Variants in RBFOX3 observed in about 807,000 individuals in gnomAD.
The protein encoded by RBFOX3 is RNA binding fox-1 homolog 3, also known as RNA binding protein fox-1 homolog 3.
In RBFOX3, 17 loss-of-function variants were observed where a neutral mutation model predicts 48.7. The observed-to-expected ratio is 0.35, with a 90% CI of 0.24 to 0.52. The LOEUF is 0.52. Ranked by LOEUF, RBFOX3 falls within the 20% of genes least tolerant of loss-of-function variation. The pLI is 0.94. For synonymous variants in RBFOX3, 212 were observed against 209.5 expected, an observed-to-expected ratio of 1.01 and a Z score of -0.10; for missense variants, 382 against 497.5, an observed-to-expected ratio of 0.77 and a Z score of 2.21.
intron 2 of RBFOX3, among the ~76,000 whole-genome samples, chr17:79,406,052 T>C (rs1331618212): frequency 6.6e-6 from 1 of 152,242 alleles, no homozygotes; most frequent in Non-Finnish European, 1.5e-5. Context: ...CTGTGTAATA[T>C]TCCTAATGCC....
intron 2 of RBFOX3, among the ~76,000 whole-genome samples, chr17:79,466,432 G>A (rs1364731282): frequency 2.0e-5 from 3 of 152,140 alleles, no homozygotes; most frequent in Non-Finnish European, 4.4e-5. Flanking sequence ...GGAGTCGAGG[G>A]CAGAACCTCC....
intron 2 of RBFOX3, among the ~76,000 whole-genome samples, chr17:79,379,214 C>T (rs552783075): frequency 3.9e-5 from 6 of 152,266 alleles, no homozygotes; most frequent in Non-Finnish European, 4.4e-5. Context: ...CTCAGCTCCA[C>T]GCAAATAAGG....
chr17:79,159,309 C>T (rs979669758), intron 4 of RBFOX3, among the ~76,000 whole-genome samples: 6 of 152,112 alleles, frequency 3.9e-5, no homozygotes, highest in Admixed American at 6.5e-5. Flanking sequence ...CTGGCCCGGG[C>T]GGTTCCTCCT....
intron 1 of RBFOX3, among the ~76,000 whole-genome samples, chr17:79,549,106 A>T (rs531383245): frequency 3.9e-5 from 6 of 152,324 alleles, no homozygotes; most frequent in African/African-American, 1.4e-4. Context: ...AGCAAACACC[A>T]GTTATAACCA....
chr17:79,455,836 C>T (rs1173739320), intron 2 of RBFOX3, among the ~76,000 whole-genome samples: 2 of 152,186 alleles, frequency 1.3e-5, no homozygotes, highest in African/African-American at 2.4e-5. Context: ...ACACCTGCAG[C>T]GGCACCTCCA....
intron 2 of RBFOX3, among the ~76,000 whole-genome samples, chr17:79,460,436 G>A (rs1176116713): frequency 6.6e-6 from 1 of 152,058 alleles, no homozygotes; most frequent in Non-Finnish European, 1.5e-5. Context: ...AGCTCATCAG[G>A]TCTAGCTCTC....
intron 3 of RBFOX3, among the ~76,000 whole-genome samples, chr17:79,292,353 C>T (rs2073435418): frequency 6.6e-6 from 1 of 151,990 alleles, no homozygotes; most frequent in Non-Finnish European, 1.5e-5. Context: ...TCTATTGTGC[C>T]TTCCTTGTCT....
At chr17:79,112,444 G>T (rs982043284) in intron 5 of RBFOX3, among the ~76,000 whole-genome samples, 1 of 152,186 alleles carries the variant, frequency 6.6e-6, no homozygotes, top group African/African-American at 2.4e-5. Context: ...GCAGGAAGAG[G>T]CCTCGTGGTT....
chr17:79,429,804 G>C (rs1275117691), intron 2 of RBFOX3, among the ~76,000 whole-genome samples: 2 of 152,184 alleles, frequency 1.3e-5, no homozygotes, highest in Non-Finnish European at 2.9e-5. Flanking sequence ...GGGCTCCAGA[G>C]CCCAACATCC....
chr17:79,170,722 A>C (rs2049104963), intron 4 of RBFOX3, among the ~76,000 whole-genome samples: 1 of 151,200 alleles, frequency 6.6e-6, no homozygotes, highest in Non-Finnish European at 1.5e-5. Flanking sequence ...CTCCTTTTCT[A>C]TCCCAGATGA....
chr17:79,459,434 G>A (rs571263263), intron 2 of RBFOX3, among the ~76,000 whole-genome samples: 3 of 152,212 alleles, frequency 2.0e-5, no homozygotes, highest in African/African-American at 7.2e-5. Context: ...GTGGAACCCA[G>A]TGTGACCAGA....
chr17:79,348,480 C>A (rs1263909793), intron 2 of RBFOX3, among the ~76,000 whole-genome samples: 2 of 151,500 alleles, frequency 1.3e-5, no homozygotes, highest in Non-Finnish European at 2.9e-5. Context: ...TCATTGGTTT[C>A]ACTCTATTCT....
the RBFOX3 span, among the ~76,000 whole-genome samples, chr17:79,618,136 A>G: frequency 6.6e-6 from 1 of 152,186 alleles, no homozygotes; most frequent in Non-Finnish European, 1.5e-5. Flanking sequence ...CCACACCACA[A>G]GGATTTACTG....
intron 3 of RBFOX3, among the ~76,000 whole-genome samples, chr17:79,307,244 C>T (rs535537490): frequency 2.0e-5 from 3 of 152,314 alleles, no homozygotes; most frequent in South Asian, 2.1e-4. Flanking sequence ...CACCTGTGCC[C>T]GGGACGAGCT....
Position 79,390,116 on chromosome 17 carries a change from C to G in RBFOX3, c.-174-82292G>C, listed in dbSNP as rs565517320. Among the ~76,000 whole-genome samples the G allele has an allele frequency of 6.6e-6, 1 of 152,304 alleles. No homozygotes were observed. Among genetic ancestry groups the G allele is most frequent in the East Asian group, 1.9e-4 (1 of 5,170 alleles). On this transcript the variant is annotated intron_variant, in intron 2 of 14. Coordinates refer to ENST00000693108, the MANE Select transcript of RBFOX3 (RefSeq NM_001350451.2). This position sits in a 1 kb window ranked among gnomAD's most constrained non-coding sequence, Gnocchi z 4.2. The stretch of plus-strand genomic sequence containing the variant: ...CTCCGGGTCTCCGTAGCCAGCCACC[C>G]GGCCGAGGGGCTGGGTCCACAGAGG...
chr17:79,187,110 G>A (rs1359744656), intron 4 of RBFOX3, among the ~76,000 whole-genome samples: 1 of 152,252 alleles, frequency 6.6e-6, no homozygotes, highest in Non-Finnish European at 1.5e-5. Flanking sequence ...ACTCCAAGGT[G>A]GCCTGTGTTT....
At chr17:79,625,507 G>C in the RBFOX3 span, among the ~76,000 whole-genome samples, 1 of 152,116 alleles carries the variant, frequency 6.6e-6, no homozygotes, top group Non-Finnish European at 1.5e-5. Flanking sequence ...AAGTGAGTTT[G>C]GGGCCAGGCG....
intron 4 of RBFOX3, among the ~76,000 whole-genome samples, chr17:79,227,411 G>T (rs116293247): frequency 1.3e-5 from 2 of 152,300 alleles, no homozygotes; most frequent in African/African-American, 4.8e-5. Flanking sequence ...CCCCTAAGAG[G>T]GGGTGAGTAT....
intron 2 of RBFOX3, among the ~76,000 whole-genome samples, chr17:79,412,039 G>C (rs1044006883): frequency 2.6e-5 from 4 of 152,066 alleles, no homozygotes; most frequent in Non-Finnish European, 5.9e-5. Context: ...TGTGTGTGTG[G>C]TGTATGTGAG....
Sources: allele counts gnomAD v4.1 joint callset (sites outside exome capture counted in the v4.1 genomes callset), GRCh38; gene constraint gnomAD v4.1.1; non-coding constraint Gnocchi (gnomAD v3.1); transcripts MANE v1.5; gene names NCBI Gene and HGNC (gene_info 2026-07-23, HGNC 2026-07-21).